Variants in SLC24A2 observed in about 807,000 individuals in gnomAD.
The protein encoded by SLC24A2 is solute carrier family 24 member 2, also known as sodium/potassium/calcium exchanger 2.
In SLC24A2, 36 loss-of-function variants were observed where a neutral mutation model predicts 62.0. The ratio of observed to expected loss-of-function variants is 0.58; its 90% CI spans 0.44 to 0.77. SLC24A2 has a LOEUF of 0.77. Among genes scored for constraint, SLC24A2 ranks in the 30% least tolerant of loss-of-function variants. The probability of loss-of-function intolerance (pLI) is 0.00; values close to 1 mark genes in which losing one functional copy is unlikely to be tolerated. For synonymous variants in SLC24A2, 358 were observed against 294.0 expected (o/e 1.22, Z -2.23); for missense variants, 846 against 817.9 (o/e 1.03, Z -0.42).
At chr9:20,041,153 CGTGCGCGCGTGCGCACGT>C in the SLC24A2 span, among the ~76,000 whole-genome samples, 7 of 151,760 alleles carry the variant, frequency 4.6e-5, no homozygotes, top group African/African-American at 1.2e-4. Flanking sequence ...TGTGTGTACG[CGTGCGCGCGTGCGCACGT>C]GTGCGCGCAG....
chr9:20,189,059 G>A, the SLC24A2 span, among the ~76,000 whole-genome samples: 1 of 148,050 alleles, frequency 6.8e-6, no homozygotes, highest in Admixed American at 6.9e-5. Flanking sequence ...AAATTAGGGT[G>A]GCTTTTCTTT....
intron 5 of SLC24A2, among the ~76,000 whole-genome samples, chr9:19,591,349 T>C (rs953431708): frequency 7.2e-5 from 11 of 152,210 alleles, no homozygotes; most frequent in African/African-American, 2.7e-4. Context: ...CACAGTTATA[T>C]GAAAGTGAGA....
the SLC24A2 span, among the ~76,000 whole-genome samples, chr9:20,232,953 A>T: frequency 4.6e-5 from 7 of 152,228 alleles, no homozygotes; most frequent in African/African-American, 9.6e-5. Context: ...TTCAAAGAAC[A>T]TCTTTATTTC....
chr9:19,671,372 T>G (rs1428513219), intron 2 of SLC24A2, among the ~76,000 whole-genome samples: 1 of 151,502 alleles, frequency 6.6e-6, no homozygotes, highest in Non-Finnish European at 1.5e-5. Flanking sequence ...TGTTGGTGTA[T>G]AGCAGAACTA....
the SLC24A2 span, among the ~76,000 whole-genome samples, chr9:20,185,676 A>G: frequency 3.3e-4 from 50 of 151,622 alleles, no homozygotes; most frequent in African/African-American, 8.0e-4. Flanking sequence ...AAAAAAAAAA[A>G]AAAAGAAAAG....
intron 8 of SLC24A2, among the ~76,000 whole-genome samples, chr9:19,530,116 G>A (rs989386661): frequency 4.7e-5 from 7 of 148,948 alleles, no homozygotes; most frequent in East Asian, 2.0e-4. Context: ...GAAATCAGCC[G>A]GATTCTGGAG....
the SLC24A2 span, among the ~76,000 whole-genome samples, chr9:19,947,800 AAAAAAAAAAAAGAAAG>A: frequency 3.4e-5 from 1 of 29,354 alleles, no homozygotes; most frequent in African/African-American, 1.1e-4. Flanking sequence ...CAAAAAAAAA[AAAAAAAAAAAAGAAAG>A]AAAGAAAGAA....
At chr9:19,590,235 G>A (rs1563985203) in intron 5 of SLC24A2, among the ~76,000 whole-genome samples, 1 of 152,112 alleles carries the variant, frequency 6.6e-6, no homozygotes, top group Non-Finnish European at 1.5e-5. Context: ...CTTTAGCAGA[G>A]CTTCCACGTC....
At chr9:20,267,079 T>G in the SLC24A2 span, among the ~76,000 whole-genome samples, 1 of 149,516 alleles carries the variant, frequency 6.7e-6, no homozygotes, top group Non-Finnish European at 1.5e-5. Flanking sequence ...AAAAGCTGGT[T>G]TGGTTTAACT....
the SLC24A2 span, among the ~76,000 whole-genome samples, chr9:19,948,758 T>C: frequency 7.3e-6 from 1 of 137,004 alleles, no homozygotes; most frequent in African/African-American, 2.7e-5. Context: ...GGCAGGAGAA[T>C]GGCGTGAACC....
At chr9:20,275,605 T>C in the SLC24A2 span, among the ~76,000 whole-genome samples, 2 of 152,222 alleles carry the variant, frequency 1.3e-5, no homozygotes, top group African/African-American at 2.4e-5. Flanking sequence ...CAGGGCAAGT[T>C]TGTAGACAAT....
intron 2 of SLC24A2, among the ~76,000 whole-genome samples, chr9:19,751,452 C>A (rs578112744): frequency 6.6e-6 from 1 of 152,214 alleles, no homozygotes; most frequent in East Asian, 1.9e-4. Flanking sequence ...ACTGGAGAAC[C>A]ACTGAAGCTG....
At chr9:20,118,319 G>C in the SLC24A2 span, among the ~76,000 whole-genome samples, 4 of 152,094 alleles carry the variant, frequency 2.6e-5, no homozygotes, top group African/African-American at 9.7e-5. Context: ...TCATTGCATA[G>C]AAGTTGAAGG....
intron 5 of SLC24A2, among the ~76,000 whole-genome samples, chr9:19,588,042 C>A (rs990350361): frequency 3.3e-5 from 5 of 152,196 alleles, no homozygotes; most frequent in African/African-American, 1.2e-4. Flanking sequence ...TGGTTGCTAG[C>A]TGGTTAGCCT....
Position 19,703,420 on chromosome 9 carries a change from A to G in SLC24A2, c.931-81121T>C, listed in dbSNP as rs142137333. On this transcript the variant is annotated intron_variant, in intron 2 of 10. Coordinates refer to ENST00000341998, the MANE Select transcript of SLC24A2 (RefSeq NM_020344.4). Reference sequence around the variant, plus strand: ...GTTGCAGAGGGCTTAGATGAAGCACACTAAAGATCCATTCCCTCTGTCATT... The same window carrying G: ...GTTGCAGAGGGCTTAGATGAAGCACGCTAAAGATCCATTCCCTCTGTCATT... Among the ~76,000 whole-genome samples the G allele has an allele frequency of 6.8e-3, 1,036 of 152,334 alleles. 16 individuals are homozygous for G. The highest frequency in any genetic ancestry group is 0.024 in the African/African-American group (995 of 41,572).
intron 5 of SLC24A2, 107 bp from the exon 6 acceptor site, chr9:19,577,129 C>A (rs934266341): frequency 1.2e-6 from 1 of 861,822 alleles, no homozygotes; most frequent in African/African-American, 1.6e-5. Flanking sequence ...ATAGCGTGAC[C>A]ACTCCATTCT....
the SLC24A2 span, among the ~76,000 whole-genome samples, chr9:20,102,921 A>G: frequency 1.3e-5 from 2 of 152,146 alleles, no homozygotes; most frequent in Non-Finnish European, 2.9e-5. Context: ...AGCTCAAGGG[A>G]TCAGGGAGTT....
chr9:19,600,087 C>T (rs1337804996), intron 4 of SLC24A2, among the ~76,000 whole-genome samples: 1 of 152,180 alleles, frequency 6.6e-6, no homozygotes. Context: ...AAGAGCCATA[C>T]ATCACCTGTG....
rs1180251134 is a variant in SLC24A2 at position 19,510,223 on chromosome 9, T to G, written c.*5930A>C. 6.6e-6 allele frequency: 1 copy of G among 152,064 alleles called. No individual in the cohort carries two copies. Among genetic ancestry groups the G allele is most frequent in the Non-Finnish European group, 1.5e-5 (1 of 68,020 alleles). The allele number at this position is 152,064 out of a possible 1,614,324, so 9.4% of individuals were successfully genotyped here. On this transcript the variant is annotated 3_prime_UTR_variant, in exon 11 of 11. Coordinates refer to ENST00000341998, the MANE Select transcript of SLC24A2 (RefSeq NM_020344.4). ...AGTTCAACACTGTTCAGACAGTGAT[T>G]ATCATTAGTCATAAGGTTCCATCAT...
Sources: gnomAD v4.1 joint callset for allele counts (sites outside exome capture counted in the v4.1 genomes callset) on GRCh38, gnomAD v4.1.1 for gene constraint, MANE v1.5 for transcripts, NCBI Gene and HGNC (gene_info 2026-07-23, HGNC 2026-07-21) for gene names.